OCLN: variants seen among roughly 807,000 people sequenced by gnomAD.
The protein encoded by OCLN is phosphatase 1, regulatory subunit 115.
In OCLN, 21 loss-of-function variants were observed where a neutral mutation model predicts 47.9. That is an observed-to-expected ratio of 0.44 (90% CI 0.31 to 0.63). The LOEUF (loss-of-function observed/expected upper bound fraction) is 0.63, where lower values mean the gene tolerates loss of function less well. Ranked by LOEUF, OCLN falls within the 30% of genes least tolerant of loss-of-function variation. The pLI is 0.08. For missense variants in OCLN, 360 were observed against 571.0 expected (o/e 0.63, Z 3.77); for synonymous variants, 117 against 198.4 (o/e 0.59, Z 3.45).
At chr5:69,500,430 T>C (rs892721793) in intron 1 of OCLN, among the ~76,000 whole-genome samples, 2 of 151,810 alleles carry the variant, frequency 1.3e-5, no homozygotes, top group African/African-American at 4.8e-5. Context: ...GACGGAGTTT[T>C]GCTCTTTTTG....
intron 3 of OCLN, among the ~76,000 whole-genome samples, chr5:69,511,700 C>A (rs1400882174): frequency 6.6e-6 from 1 of 151,894 alleles, no homozygotes; most frequent in Non-Finnish European, 1.5e-5. Flanking sequence ...GGCATCTTTT[C>A]ACTTTCTTGA....
At chr5:69,532,150 T>C (rs1769448961) in intron 4 of OCLN, among the ~76,000 whole-genome samples, 1 of 152,208 alleles carries the variant, frequency 6.6e-6, no homozygotes, top group Non-Finnish European at 1.5e-5. Context: ...TTTTTTCTTT[T>C]TTTCTTTTTC....
At chr5:69,499,518 C>A (rs1333115995) in intron 1 of OCLN, among the ~76,000 whole-genome samples, 1 of 152,150 alleles carries the variant, frequency 6.6e-6, no homozygotes, top group Non-Finnish European at 1.5e-5. Flanking sequence ...AAATTTCTTA[C>A]TTTCAGGATA....
intron 7 of OCLN, among the ~76,000 whole-genome samples, chr5:69,549,932 A>T (rs1012089689): frequency 6.6e-6 from 1 of 150,818 alleles, no homozygotes; most frequent in Non-Finnish European, 1.5e-5. Context: ...AAAAACAAAC[A>T]AAAAAACTTC....
At position 69,509,439 on chromosome 5, in the gene OCLN, G is replaced by A; in HGVS notation, c.349G>A (p.Gly117Ser). Residue 117 changes from glycine to serine, a missense_variant, in exon 3 of 9, where the codon GGC (glycine) becomes AGC (serine). Physicochemically the swap from Gly to Ser is moderately conservative, Grantham distance 56 (BLOSUM62 0). This residue lies in a region of OCLN where 314 missense variants were observed against 368.1 expected (regional missense o/e 0.85). Transcript: ENST00000396442. ...AAGTGGCTTTGGTAGCTACGGAAGT[G>A]GCTATGGCTATGGCTATGGTTATGG... ...GGSGFGSYGS[G>S]YGYGYGYGYG... 1 of 1,613,872 alleles carries A rather than the reference G, an allele frequency of 6.2e-7. No homozygotes were observed. The highest frequency in any genetic ancestry group is 8.5e-7 in the Non-Finnish European group (1 of 1,179,810).
At chr5:69,530,497 A>T (rs1210614059) in intron 4 of OCLN, 1 of 152,128 alleles carries the variant, frequency 6.6e-6, no homozygotes, top group Non-Finnish European at 1.5e-5. Context: ...GCCTTTTTTC[A>T]GGAAAATTGC....
In OCLN at chr5:69,504,162, A is replaced by T; in HGVS notation, c.-68-15A>T. 1 of 923,210 alleles carries T rather than the reference A, an allele frequency of 1.1e-6. No homozygotes were observed. The highest frequency in any genetic ancestry group is 1.8e-6 in the Non-Finnish European group (1 of 551,114). The allele number at this position is 923,210 out of a possible 1,614,324, so 57.2% of individuals were successfully genotyped here. On this transcript the variant is annotated splice_polypyrimidine_tract_variant and intron_variant, in intron 1 of 8. Coordinates refer to ENST00000396442, the MANE Select transcript of OCLN (RefSeq NM_001205254.2). ...AGCTTAGTAGTAATGCCATAACTCT[A>T]CTTTTGTTGCTTAGATTGGTTTATC...
rs1475685373 is a variant in OCLN, at chr5:69,493,703, C to T, written c.-69+803C>T. Reference sequence around the variant, plus strand: ...CGCGCTGCCTGGGAGCGCCTCGGTGCGCACGGAAGCCGGGACCCGCGCCCA... The same window carrying T: ...CGCGCTGCCTGGGAGCGCCTCGGTGTGCACGGAAGCCGGGACCCGCGCCCA... On this transcript the variant is annotated intron_variant, in intron 1 of 8. Coordinates refer to ENST00000396442, the MANE Select transcript of OCLN (RefSeq NM_001205254.2). This position sits in a 1 kb window ranked among gnomAD's most constrained non-coding sequence, Gnocchi z 5.3. Among the ~76,000 whole-genome samples, 2 of 152,168 alleles carry T rather than the reference C, an allele frequency of 1.3e-5. No individual in the cohort carries two copies. The highest frequency in any genetic ancestry group is 4.8e-5 in the African/African-American group (2 of 41,446).
At position 69,529,254 on chromosome 5, in the gene OCLN, T is replaced by C. The variant is rs190747184; in HGVS notation, c.892-5440T>C. Among the ~76,000 whole-genome samples, 814 of 152,300 alleles carry C rather than the reference T, an allele frequency of 5.3e-3. 4 individuals are homozygous for C. Among genetic ancestry groups the C allele is most frequent in the Non-Finnish European group, 8.0e-3 (544 of 68,036 alleles). ...CTCTAAAGGAGAGCTGCCCTGTTTGTTTTCCTGTTGGCATCCCACAGGGGT... is the reference window on the plus strand; with the variant it reads ...CTCTAAAGGAGAGCTGCCCTGTTTGCTTTCCTGTTGGCATCCCACAGGGGT... On this transcript the variant is annotated intron_variant, in intron 4 of 8. Coordinates refer to ENST00000396442, the MANE Select transcript of OCLN (RefSeq NM_001205254.2).
At chr5:69,537,347 C>G (rs918537950) in intron 5 of OCLN, among the ~76,000 whole-genome samples, 1 of 44,522 alleles carries the variant, frequency 2.2e-5, no homozygotes, top group African/African-American at 8.5e-5. Flanking sequence ...ACTTAGTCAC[C>G]TCAGTAGCTG....
intron 1 of OCLN, among the ~76,000 whole-genome samples, chr5:69,496,161 C>T (rs971800803): frequency 1.3e-5 from 2 of 151,090 alleles, no homozygotes; most frequent in African/African-American, 4.9e-5. Context: ...TGCAGTGGCA[C>T]GATCTTGGCT....
intron 4 of OCLN, among the ~76,000 whole-genome samples, chr5:69,522,470 G>C (rs890688574): frequency 1.3e-5 from 2 of 151,766 alleles, no homozygotes; most frequent in African/African-American, 4.8e-5. Flanking sequence ...GCTTTATTGA[G>C]GTACAATTTA....
intron 1 of OCLN, among the ~76,000 whole-genome samples, chr5:69,497,213 A>T (rs1378512653): frequency 1.4e-5 from 2 of 146,926 alleles, no homozygotes; most frequent in East Asian, 4.0e-4. Flanking sequence ...TAACATTGAG[A>T]TGAAATCAGC....
At chr5:69,495,857 G>T (rs1001443907) in intron 1 of OCLN, among the ~76,000 whole-genome samples, 1 of 152,160 alleles carries the variant, frequency 6.6e-6, no homozygotes, top group African/African-American at 2.4e-5. Flanking sequence ...GGTGTCTGTT[G>T]TGTAAAAGAT....
At chr5:69,497,107 AT>A (rs1188316734) in intron 1 of OCLN, among the ~76,000 whole-genome samples, 2 of 152,222 alleles carry the variant, frequency 1.3e-5, no homozygotes, top group African/African-American at 4.8e-5. Context: ...CCAAAAAAAT[AT>A]CAAATAACTT....
At chr5:69,498,758 C>T (rs2111935748) in intron 1 of OCLN, among the ~76,000 whole-genome samples, 1 of 152,178 alleles carries the variant, frequency 6.6e-6, no homozygotes, top group Admixed American at 6.5e-5. Flanking sequence ...TGGCCCACTG[C>T]AAACTCTGCC....
chr5:69,528,735 A>G (rs1412941880), intron 4 of OCLN, among the ~76,000 whole-genome samples: 1 of 152,192 alleles, frequency 6.6e-6, no homozygotes, highest in Non-Finnish European at 1.5e-5. Flanking sequence ...ATCTGAAAAT[A>G]GAGATAATTG....
intron 1 of OCLN, among the ~76,000 whole-genome samples, chr5:69,496,387 CG>C (rs1174014207): frequency 6.6e-6 from 1 of 152,006 alleles, no homozygotes; most frequent in Non-Finnish European, 1.5e-5. Context: ...CGTGAGCCAC[CG>C]CGCCCGGCCA....
At chr5:69,531,491 T>A (rs1561348805) in intron 4 of OCLN, among the ~76,000 whole-genome samples, 4 of 152,244 alleles carry the variant, frequency 2.6e-5, no homozygotes, top group Admixed American at 2.6e-4. Context: ...GAAGGATTTT[T>A]AAATTCTGAT....
Sources: allele counts gnomAD v4.1 joint callset (sites outside exome capture counted in the v4.1 genomes callset), GRCh38; gene constraint gnomAD v4.1.1; regional missense constraint gnomAD v4.1.1; non-coding constraint Gnocchi (gnomAD v3.1); transcripts MANE v1.5; gene names NCBI Gene and HGNC (gene_info 2026-07-23, HGNC 2026-07-21).